AKR1C2: variants seen among roughly 807,000 people sequenced by gnomAD.
AKR1C2 encodes aldo-keto reductase family 1 member C2.
A neutral mutation model predicts 39.8 loss-of-function variants in AKR1C2; 27 were observed. That is an observed-to-expected ratio of 0.68 (90% confidence interval 0.50 to 0.93). The LOEUF (loss-of-function observed/expected upper bound fraction) is 0.93, where lower values mean the gene tolerates loss of function less well. AKR1C2 is among the 40% of genes least tolerant of loss of function. The pLI, the probability that AKR1C2 is intolerant of heterozygous loss-of-function variation, is 0.00. For missense variants in AKR1C2, 263 were observed against 365.1 expected (o/e 0.72, Z 2.28); for synonymous variants, 114 against 137.9 (o/e 0.83, Z 1.22).
In AKR1C2 at chr10:4,991,327, A is replaced by G. The variant is rs1436121484; in HGVS notation, c.929+504T>C. On this transcript the variant is annotated intron_variant, in intron 8 of 8. Transcript: ENST00000380753. Reference sequence around the variant, plus strand: ...AAGAAAGGCACGAAAAAGGTTTGAAATGATTAAAAATGCTAAATTGACAGG... The same window carrying G: ...AAGAAAGGCACGAAAAAGGTTTGAAGTGATTAAAAATGCTAAATTGACAGG... Among the ~76,000 whole-genome samples the G allele has an allele frequency of 6.6e-5, 10 of 152,174 alleles. No individual in the cohort carries two copies. The Middle Eastern group carries it at 0.014, about 207-fold the overall frequency.
intron 1 of AKR1C2, among the ~76,000 whole-genome samples, chr10:5,011,382 G>A (rs374710623): frequency 6.6e-6 from 1 of 152,162 alleles, no homozygotes; most frequent in Non-Finnish European, 1.5e-5. Flanking sequence ...CCTCACCACT[G>A]TGCAATGTAT....
intron 4 of AKR1C2, 137 bp downstream of exon 4, chr10:4,999,063 G>C: frequency 6.4e-7 from 1 of 1,574,238 alleles, no homozygotes; most frequent in Non-Finnish European, 8.6e-7. Flanking sequence ...TTTCCTCGCT[G>C]CTCACAAAAA....
intron 3 of AKR1C2, 80 bp downstream of exon 3, chr10:5,000,470 A>T (rs112192528): frequency 1.2e-5 from 19 of 1,612,464 alleles, no homozygotes; most frequent in African/African-American, 1.1e-4. Context: ...CCTAAGAAAA[A>T]GCTTAGTTCA....
At chr10:4,999,906 T>C (rs1411912823) in intron 3 of AKR1C2, 1 of 927,894 alleles carries the variant, frequency 1.1e-6, no homozygotes. Flanking sequence ...AGAGTTTTTA[T>C]CAAATTCTTA....
intron 1 of AKR1C2, among the ~76,000 whole-genome samples, chr10:5,009,949 A>G (rs556420383): frequency 4.9e-5 from 7 of 142,978 alleles, no homozygotes; most frequent in African/African-American, 1.8e-4. Flanking sequence ...CCGGCTCCCC[A>G]TCCATCTTGC....
At chr10:5,005,926 G>C (rs1348959335), upstream of AKR1C2, 1 of 152,026 alleles carries the variant, frequency 6.6e-6, no homozygotes, top group Non-Finnish European at 1.5e-5. Context: ...AAAAGAAAAG[G>C]AAACAAATTG....
intron 1 of AKR1C2, among the ~76,000 whole-genome samples, chr10:5,013,774 A>T (rs187201955): frequency 1.0e-3 from 155 of 152,328 alleles, no homozygotes; most frequent in Admixed American, 4.5e-3. Flanking sequence ...AAGTCCATCA[A>T]CCTTATTGAG....
rs1354169977 is a variant in AKR1C2 at position 5,000,122 on chromosome 10, G to A, written c.369+428C>T. On this transcript the variant is annotated intron_variant, in intron 3 of 8. Transcript: ENST00000380753. ...AAGGTTTGTAGTTTAAGACATTCCCGGACTGAGTTCTTGCCCCTTGAAAAG... is the reference window on the plus strand; with the variant it reads ...AAGGTTTGTAGTTTAAGACATTCCCAGACTGAGTTCTTGCCCCTTGAAAAG... 17 of 1,239,316 alleles carry A rather than the reference G, an allele frequency of 1.4e-5. No individual in the cohort carries two copies. In the Admixed American group the frequency reaches 1.6e-4, roughly 12 times the overall value. The allele number at this position is 1,239,316 out of a possible 1,614,324, so 76.8% of individuals were successfully genotyped here.
rs191499497 is a variant in AKR1C2, at chr10:4,990,191, G to A, written c.930-153C>T. On this transcript the variant is annotated intron_variant, in intron 8 of 8. Coordinates refer to ENST00000380753, the MANE Select transcript of AKR1C2 (RefSeq NM_001393392.1). The stretch of plus-strand genomic sequence containing the variant: ...ATCTGTGTTTCTTTGTTTAATGAAC[G>A]TGACTTTATCATATCTGTATTTTCA... Among the ~76,000 whole-genome samples the A allele has an allele frequency of 5.0e-3, 761 of 152,238 alleles. 7 individuals are homozygous for A. The highest frequency in any genetic ancestry group is 0.031 in the Middle Eastern group (9 of 294).
At chr10:5,003,172 C>T (rs145199381) in intron 1 of AKR1C2, among the ~76,000 whole-genome samples, 1 of 149,964 alleles carries the variant, frequency 6.7e-6, no homozygotes, top group Admixed American at 6.6e-5. Flanking sequence ...TTAACAAAGA[C>T]AAAGAATTTA....
intron 1 of AKR1C2, among the ~76,000 whole-genome samples, chr10:5,016,570 G>A (rs1158024153): frequency 5.3e-5 from 8 of 152,178 alleles, no homozygotes; most frequent in African/African-American, 1.9e-4. Context: ...CAGGGTAAAG[G>A]CCCCATGGCT....
intron 5 of AKR1C2, 75 bp downstream of exon 5, chr10:4,998,550 A>C: frequency 6.3e-7 from 1 of 1,588,242 alleles, no homozygotes; most frequent in South Asian, 1.2e-5. Context: ...GTGGGACTAA[A>C]TGAATGGATA....
At chr10:4,993,569 A>T (rs1353014900) in intron 7 of AKR1C2, among the ~76,000 whole-genome samples, 1 of 152,140 alleles carries the variant, frequency 6.6e-6, no homozygotes, top group Non-Finnish European at 1.5e-5. Context: ...GATATTCCCA[A>T]TATAGGATAA....
chr10:4,990,077 T>C (rs1836781243), intron 8 of AKR1C2, 39 bp from the exon 9 acceptor site: 2 of 1,608,902 alleles, frequency 1.2e-6, no homozygotes, highest in African/African-American at 1.3e-5. Flanking sequence ...TGAATGGCAA[T>C]GACTCCGTTA....
chr10:4,993,610 G>A (rs1157577498), intron 7 of AKR1C2, among the ~76,000 whole-genome samples: 1 of 151,682 alleles, frequency 6.6e-6, no homozygotes, highest in African/African-American at 2.4e-5. Flanking sequence ...CAAGAAAGAG[G>A]CATGAAAAAT....
chr10:4,994,510 T>G (rs556881584), intron 7 of AKR1C2, among the ~76,000 whole-genome samples: 1,874 of 152,254 alleles, frequency 0.012, 33 homozygotes, highest in African/African-American at 0.043. Flanking sequence ...ATGGTTGGTG[T>G]CTCTGAGCCT....
At chr10:4,990,695 T>C (rs1836810045) in intron 8 of AKR1C2, among the ~76,000 whole-genome samples, 1 of 152,146 alleles carries the variant, frequency 6.6e-6, no homozygotes. Flanking sequence ...AATTACGGAA[T>C]TGAGCCTATC....
intron 1 of AKR1C2, among the ~76,000 whole-genome samples, chr10:5,014,373 C>A (rs1444393826): frequency 1.3e-5 from 2 of 152,296 alleles, no homozygotes; most frequent in East Asian, 1.9e-4. Context: ...GTTGTGTTAT[C>A]CTTTCCAAGT....
At chr10:5,002,967 C>T (rs1359598815) in intron 1 of AKR1C2, among the ~76,000 whole-genome samples, 1 of 152,172 alleles carries the variant, frequency 6.6e-6, no homozygotes, top group Non-Finnish European at 1.5e-5. Flanking sequence ...ATGTGAGACT[C>T]AAATTTTATA....
Sources: gnomAD v4.1 joint callset for allele counts (sites outside exome capture counted in the v4.1 genomes callset) on GRCh38, gnomAD v4.1.1 for gene constraint, MANE v1.5 for transcripts, NCBI Gene and HGNC (gene_info 2026-07-23, HGNC 2026-07-21) for gene names.